The following AGO1 variants were observed in gnomAD, a reference collection of about 807,000 sequenced individuals.
The protein encoded by AGO1 is protein argonaute-1.
A neutral mutation model predicts 109.2 loss-of-function variants in AGO1; 11 were observed. That is an observed-to-expected ratio of 0.10 (90% CI 0.06 to 0.17). AGO1 has a LOEUF of 0.17. Among genes scored for constraint, AGO1 ranks in the 10% least tolerant of loss-of-function variants. AGO1 has a pLI of 1.00. For missense variants in AGO1, 574 were observed against 1,140.3 expected (o/e 0.50, Z 7.15); for synonymous variants, 422 against 418.6 (o/e 1.01, Z -0.10).
In AGO1 at chr1:35,909,134, T is replaced by A. The variant is rs114232727; in HGVS notation, c.1582+2015T>A. Among the ~76,000 whole-genome samples, 1,353 of 152,284 alleles carry A rather than the reference T, an allele frequency of 8.9e-3. 13 individuals are homozygous for A. Among genetic ancestry groups the A allele is most frequent in the African/African-American group, 0.031 (1,278 of 41,558 alleles). ...TGCCCTGCCTTAAGACTTTCTTGAA[T>A]GGGTTCCAAGAAAGACTTCTTGTGA... On this transcript the variant is annotated intron_variant, in intron 12 of 18. Transcript: ENST00000373204.
chr1:35,917,543 A>T, intron 15 of AGO1, 50 bp from the exon 16 acceptor site: 1 of 1,586,302 alleles, frequency 6.3e-7, no homozygotes, highest in Non-Finnish European at 8.6e-7. Context: ...ATGTGAACTC[A>T]AGAGGAACTG....
Position 35,920,728 on chromosome 1 carries a change from A to C in AGO1, c.*1121A>C, listed in dbSNP as rs1361359690. The C allele has an allele frequency of 6.6e-6, 1 of 152,522 alleles. No individual in the cohort carries two copies. The highest frequency in any genetic ancestry group is 1.5e-5 in the Non-Finnish European group (1 of 68,030). The allele number at this position is 152,522 out of a possible 1,614,324, so 9.4% of individuals were successfully genotyped here. A position where few individuals can be genotyped will look rare whatever the true frequency, so the allele number is the denominator to read the frequency against. On this transcript the variant is annotated 3_prime_UTR_variant, in exon 19 of 19. Transcript: ENST00000373204. ...CCCGCCCAGGTCTGGAGTTACTTTC[A>C]TAGCATTTTTCACTCTTGGCTTCTT...
At chr1:35,918,516 T>C in intron 17 of AGO1, 93 bp downstream of exon 17, 1 of 1,025,646 alleles carries the variant, frequency 9.7e-7, no homozygotes, top group Non-Finnish European at 1.6e-6. Context: ...CTGAATGACA[T>C]CCAAATTAGG....
At chr1:35,884,780 G>T (rs1020244663) in intron 1 of AGO1, among the ~76,000 whole-genome samples, 1 of 152,152 alleles carries the variant, frequency 6.6e-6, no homozygotes, top group Non-Finnish European at 1.5e-5. Context: ...GAAAACTGGA[G>T]TCCTTAGGAT....
chr1:35,895,485 A>T (rs893407037), intron 8 of AGO1, among the ~76,000 whole-genome samples: 6 of 152,170 alleles, frequency 3.9e-5, no homozygotes, highest in African/African-American at 1.4e-4. Flanking sequence ...CCAGGCAGAG[A>T]CAAGCTGAAT....
At chr1:35,912,911 T>C (rs1645663860) in intron 12 of AGO1, among the ~76,000 whole-genome samples, 2 of 152,058 alleles carry the variant, frequency 1.3e-5, no homozygotes, top group Non-Finnish European at 2.9e-5. Context: ...TTAAAAGTTA[T>C]CCATAAAAAT....
At chr1:35,917,483 A>G in intron 15 of AGO1, 110 bp from the exon 16 acceptor site, 1 of 1,290,334 alleles carries the variant, frequency 7.7e-7, no homozygotes, top group Non-Finnish European at 1.1e-6. Flanking sequence ...ATAAAGGGAG[A>G]CTGAGCCAAA....
chr1:35,902,452 C>G (rs1645435144), intron 11 of AGO1, 115 bp downstream of exon 11: 1 of 1,321,970 alleles, frequency 7.6e-7, no homozygotes, highest in African/African-American at 1.5e-5. Flanking sequence ...TTGACTCTGC[C>G]TGCATTGTGC....
Position 35,919,267 on chromosome 1 carries a change from A to G in AGO1, c.2465+13A>G. ...AGGAGCATGACAGGTGAGGCCTGGG[A>G]TCAGGTTGGCCTCCTTTTTGCTTCA... On this transcript the variant is annotated intron_variant, in intron 18 of 18. Coordinates refer to ENST00000373204, the MANE Select transcript of AGO1 (RefSeq NM_012199.5). The surrounding 1 kb of genome is among the most constrained non-coding windows in gnomAD (Gnocchi z 6.6). The G allele has an allele frequency of 6.2e-7, 1 of 1,610,778 alleles. No homozygotes were observed. The highest frequency in any genetic ancestry group is 1.1e-5 in the South Asian group (1 of 90,436).
Position 35,926,160 on chromosome 1 carries a change from T to G in AGO1, c.*6553T>G, listed in dbSNP as rs1645922998. 1 of 152,130 alleles carries G rather than the reference T, an allele frequency of 6.6e-6. No individual in the cohort carries two copies. The highest frequency in any genetic ancestry group is 1.5e-5 in the Non-Finnish European group (1 of 68,012). The allele number at this position is 152,130 out of a possible 1,614,324, so 9.4% of individuals were successfully genotyped here. On this transcript the variant is annotated 3_prime_UTR_variant, in exon 19 of 19. Transcript: ENST00000373204. ...GAAATAAAGAACTTAGCAGGGGGAA[T>G]AGGAGGAGGATGATTATGGCAAATT...
At position 35,927,072 on chromosome 1, in the gene AGO1, T is replaced by C. The variant is rs1645944852; in HGVS notation, c.*7465T>C. The C allele has an allele frequency of 6.6e-6, 1 of 152,104 alleles. No homozygotes were observed. Among genetic ancestry groups the C allele is most frequent in the Admixed American group, 6.5e-5 (1 of 15,270 alleles). The allele number at this position is 152,104 out of a possible 1,614,324, so 9.4% of individuals were successfully genotyped here. A position where few individuals can be genotyped will look rare whatever the true frequency, so the allele number is the denominator to read the frequency against. Reference sequence around the variant, plus strand: ...TCTTAAAAGAGACAGTGGGAACTTTTAGCCAGGTTTTTGGAAAAGGCCTGT... The same window carrying C: ...TCTTAAAAGAGACAGTGGGAACTTTCAGCCAGGTTTTTGGAAAAGGCCTGT... On this transcript the variant is annotated 3_prime_UTR_variant, in exon 19 of 19. Transcript: ENST00000373204.
intron 1 of AGO1, among the ~76,000 whole-genome samples, chr1:35,876,390 C>T (rs1644992980): frequency 1.3e-5 from 2 of 151,970 alleles, no homozygotes; most frequent in Non-Finnish European, 2.9e-5. Flanking sequence ...CCTCAGCTTC[C>T]CGAGTAGCTG....
At chr1:35,880,766 T>A (rs1645028496), upstream of AGO1, among the ~76,000 whole-genome samples, 1 of 152,164 alleles carries the variant, frequency 6.6e-6, no homozygotes, top group Admixed American at 6.5e-5. Flanking sequence ...TTCAAGCGAT[T>A]CTTGTGCCTC....
At chr1:35,905,938 C>G (rs1455864827) in intron 11 of AGO1, among the ~76,000 whole-genome samples, 1 of 152,146 alleles carries the variant, frequency 6.6e-6, no homozygotes, top group African/African-American at 2.4e-5. Context: ...ATAAAACTAT[C>G]ACATTGCTTT....
At chr1:35,902,174 C>T (rs755883480) in intron 10 of AGO1, 30 bp from the exon 11 acceptor site, 7 of 1,606,220 alleles carry the variant, frequency 4.4e-6, no homozygotes, top group African/African-American at 1.3e-5. Context: ...TACTGAGGCT[C>T]ACCTAGGCGC....
chr1:35,919,604 T>A lies in AGO1; in HGVS notation c.2571T>A (p.Ala857=), dbSNP rs761934070. The A allele has an allele frequency of 5.0e-6, 8 of 1,613,228 alleles. No individual in the cohort carries two copies. Among genetic ancestry groups the A allele is most frequent in the Non-Finnish European group, 6.8e-6 (8 of 1,179,492 alleles). ...ATACTCTGCGCACCATGTACTTCGC[T>A]TGAAGGCAGAACGCTGTTACCTCAC... ...HQDTLRTMYF[A] is the part of the protein sequence containing the mutation. Residue 857 remains alanine (A), a synonymous_variant, in exon 19 of 19, where the codon GCT becomes GCA. Coordinates refer to ENST00000373204, the MANE Select transcript of AGO1 (RefSeq NM_012199.5). The surrounding 1 kb of genome is among the most constrained non-coding windows in gnomAD (Gnocchi z 6.6).
chr1:35,916,623 C>T (rs1645740758), intron 15 of AGO1, among the ~76,000 whole-genome samples: 1 of 152,236 alleles, frequency 6.6e-6, no homozygotes, highest in Non-Finnish European at 1.5e-5. Context: ...CCGCCTTGGC[C>T]TCCCAAAGTG....
intron 1 of AGO1, among the ~76,000 whole-genome samples, chr1:35,876,117 G>A (rs747110902): frequency 6.6e-6 from 1 of 152,158 alleles, no homozygotes; most frequent in African/African-American, 2.4e-5. Flanking sequence ...ACTTTGAGGG[G>A]TTCAAGACAT....
intron 1 of AGO1, among the ~76,000 whole-genome samples, chr1:35,871,395 T>C (rs1193424452): frequency 6.7e-6 from 1 of 150,328 alleles, no homozygotes; most frequent in Non-Finnish European, 1.5e-5. Flanking sequence ...ATATAAAAAT[T>C]AGCCGGGTAT....
Sources: allele counts gnomAD v4.1 joint callset (sites outside exome capture counted in the v4.1 genomes callset), GRCh38; gene constraint gnomAD v4.1.1; non-coding constraint Gnocchi (gnomAD v3.1); transcripts MANE v1.5; gene names NCBI Gene and HGNC (gene_info 2026-07-23, HGNC 2026-07-21).